DOCK2: variants seen among roughly 807,000 people sequenced by gnomAD.
DOCK2 encodes the protein dedicator of cytokinesis 2, also known as dedicator of cytokinesis protein 2.
Under a neutral mutation model 248.9 loss-of-function variants are expected in DOCK2, and 87 were observed. The observed-to-expected ratio is 0.35, with a 90% CI of 0.29 to 0.42. DOCK2 has a LOEUF of 0.42. Among genes scored for constraint, DOCK2 ranks in the 10% least tolerant of loss-of-function variants. The pLI is 1.00. For synonymous variants in DOCK2, 805 were observed against 821.6 expected, an observed-to-expected ratio of 0.98 and a Z score of 0.35; for missense variants, 1,747 against 2,300.2, an observed-to-expected ratio of 0.76 and a Z score of 4.92.
chr5:170,033,430 A>G (rs1337946341), intron 34 of DOCK2, among the ~76,000 whole-genome samples: 10 of 152,130 alleles, frequency 6.6e-5, no homozygotes, highest in Admixed American at 2.6e-4. Flanking sequence ...TTTCTTTCCT[A>G]TTTTCCCACC....
intron 27 of DOCK2, among the ~76,000 whole-genome samples, chr5:169,848,028 G>A (rs1770416080): frequency 6.6e-6 from 1 of 152,122 alleles, no homozygotes; most frequent in African/African-American, 2.4e-5. Flanking sequence ...GCCTTTCCTG[G>A]GGAACAATTT....
At chr5:169,781,507 G>C (rs765621611) in intron 25 of DOCK2, among the ~76,000 whole-genome samples, 1 of 152,174 alleles carries the variant, frequency 6.6e-6, no homozygotes, top group Non-Finnish European at 1.5e-5. Flanking sequence ...TCTGTTGCCA[G>C]GACAGCATAG....
chr5:169,970,469 C>T (rs1777463094), intron 27 of DOCK2, among the ~76,000 whole-genome samples: 1 of 152,184 alleles, frequency 6.6e-6, no homozygotes, highest in Non-Finnish European at 1.5e-5. Flanking sequence ...CAGGGGACTG[C>T]TGTTTGAAGG....
chr5:169,750,169 C>T (rs1355259255), intron 23 of DOCK2, among the ~76,000 whole-genome samples: 1 of 152,194 alleles, frequency 6.6e-6, no homozygotes, highest in African/African-American at 2.4e-5. Flanking sequence ...GTTGAGGTGC[C>T]ATGGAGAGAA....
intron 27 of DOCK2, among the ~76,000 whole-genome samples, chr5:169,938,669 A>G (rs1000762453): frequency 5.9e-5 from 9 of 152,212 alleles, no homozygotes; most frequent in Admixed American, 5.9e-4. Context: ...GTTACTGTAC[A>G]CTACTGTAGA....
intron 22 of DOCK2, among the ~76,000 whole-genome samples, chr5:169,737,505 G>A (rs1763100145): frequency 6.6e-6 from 1 of 152,116 alleles, no homozygotes; most frequent in Non-Finnish European, 1.5e-5. Flanking sequence ...ATGTCTTTTT[G>A]CATGCTAATG....
At chr5:169,740,165 G>T (rs747697595) in intron 22 of DOCK2, among the ~76,000 whole-genome samples, 40 of 152,276 alleles carry the variant, frequency 2.6e-4, no homozygotes, top group Non-Finnish European at 4.4e-4. Flanking sequence ...GTTCTTTTCA[G>T]GCTTTTTCCT....
intron 33 of DOCK2, among the ~76,000 whole-genome samples, chr5:170,020,192 C>T (rs1274742055): frequency 6.6e-6 from 1 of 152,190 alleles, no homozygotes; most frequent in Non-Finnish European, 1.5e-5. Context: ...TCCCCGCAGC[C>T]CACCTGAATG....
At chr5:169,930,124 G>C (rs996795128) in intron 27 of DOCK2, among the ~76,000 whole-genome samples, 1 of 152,140 alleles carries the variant, frequency 6.6e-6, no homozygotes, top group Non-Finnish European at 1.5e-5. Flanking sequence ...CCGAGTAGCT[G>C]GGACTACAGG....
chr5:169,921,421 G>A (rs1775168642), intron 27 of DOCK2, among the ~76,000 whole-genome samples: 1 of 152,210 alleles, frequency 6.6e-6, no homozygotes, highest in Non-Finnish European at 1.5e-5. Context: ...GAGGACTGCT[G>A]TGATATTCTT....
chr5:169,655,912 T>C (rs1456282563), intron 2 of DOCK2, among the ~76,000 whole-genome samples: 1 of 152,230 alleles, frequency 6.6e-6, no homozygotes, highest in African/African-American at 2.4e-5. Context: ...TTATTTTTAC[T>C]TGGGGTTGTA....
intron 13 of DOCK2, among the ~76,000 whole-genome samples, chr5:169,701,376 G>A (rs941731560): frequency 6.6e-6 from 1 of 152,202 alleles, no homozygotes; most frequent in Non-Finnish European, 1.5e-5. Flanking sequence ...GGCTCTCACT[G>A]ACTGGCTGTT....
intron 25 of DOCK2, among the ~76,000 whole-genome samples, chr5:169,789,430 A>G (rs1051921517): frequency 1.3e-5 from 2 of 152,200 alleles, no homozygotes; most frequent in African/African-American, 2.4e-5. Context: ...TTCATTGTAC[A>G]TATGTTTTCT....
intron 27 of DOCK2, among the ~76,000 whole-genome samples, chr5:169,850,054 T>C (rs1770539866): frequency 6.6e-6 from 1 of 152,238 alleles, no homozygotes; most frequent in African/African-American, 2.4e-5. Flanking sequence ...GAGTAAGGGT[T>C]GTTGCAGAAT....
At chr5:169,899,437 T>C (rs1406738888) in intron 27 of DOCK2, among the ~76,000 whole-genome samples, 1 of 152,208 alleles carries the variant, frequency 6.6e-6, no homozygotes, top group African/African-American at 2.4e-5. Flanking sequence ...ATAAATAGGA[T>C]GGCAAGTCAG....
intron 41 of DOCK2, among the ~76,000 whole-genome samples, chr5:170,051,991 G>T (rs1300255845): frequency 6.6e-6 from 1 of 152,176 alleles, no homozygotes; most frequent in Non-Finnish European, 1.5e-5. Context: ...CAACAGACAG[G>T]ATTCGCATGG....
At chr5:169,815,856 A>T (rs1222437769) in intron 26 of DOCK2, among the ~76,000 whole-genome samples, 1 of 152,106 alleles carries the variant, frequency 6.6e-6, no homozygotes, top group East Asian at 1.9e-4. Flanking sequence ...GCTTGGAGGA[A>T]TGGAGAAGGT....
At position 170,050,241 on chromosome 5, in the gene DOCK2, A is replaced by G. The variant is rs371474999; in HGVS notation, c.4072-15A>G. 40 of 1,612,914 alleles carry G rather than the reference A, an allele frequency of 2.5e-5. No individual in the cohort carries two copies. Among genetic ancestry groups the G allele is most frequent in the Admixed American group, 5.0e-5 (3 of 59,920 alleles). On this transcript the variant is annotated splice_polypyrimidine_tract_variant and intron_variant, in intron 40 of 51. Transcript: ENST00000520908. ...CTGGGTCCCCAAATCTCTAATGAGC[A>G]TCCTTTCTCTGCAGAACAAAGTGTT... is the stretch of plus-strand genomic sequence containing the variant.
chr5:169,677,351 G>T (rs1471247645), intron 6 of DOCK2, among the ~76,000 whole-genome samples: 2 of 151,274 alleles, frequency 1.3e-5, no homozygotes, highest in Non-Finnish European at 2.9e-5. Context: ...TCTTTTTTTT[G>T]ATAAAGAACT....
Sources: allele counts gnomAD v4.1 joint callset (sites outside exome capture counted in the v4.1 genomes callset), GRCh38; gene constraint gnomAD v4.1.1; transcripts MANE v1.5; gene names NCBI Gene and HGNC (gene_info 2026-07-23, HGNC 2026-07-21).